PLEKHA5: variants seen among roughly 807,000 people sequenced by gnomAD.
The protein encoded by PLEKHA5 is pleckstrin homology domain containing A5, also known as pleckstrin homology domain-containing family A member 5.
Under a neutral mutation model 181.9 loss-of-function variants are expected in PLEKHA5, and 55 were observed. The observed-to-expected ratio is 0.30, with a 90% CI of 0.24 to 0.38. PLEKHA5 has a LOEUF of 0.38. PLEKHA5 is among the 10% of genes least tolerant of loss of function. The probability of loss-of-function intolerance (pLI) is 1.00; values close to 1 mark genes in which losing one functional copy is unlikely to be tolerated. For missense variants in PLEKHA5, 1,432 were observed against 1,549.5 expected (o/e 0.92, Z 1.27); for synonymous variants, 535 against 529.4 (o/e 1.01, Z -0.15).
chr12:19,138,788 G>A (rs934140849), intron 3 of PLEKHA5, among the ~76,000 whole-genome samples: 1 of 152,094 alleles, frequency 6.6e-6, no homozygotes, highest in African/African-American at 2.4e-5. Flanking sequence ...TGTGTGATGA[G>A]TAATACTAAC....
chr12:19,281,893 T>C (rs2076256381), intron 11 of PLEKHA5, among the ~76,000 whole-genome samples: 1 of 151,934 alleles, frequency 6.6e-6, no homozygotes, highest in South Asian at 2.1e-4. Context: ...GCCATTCTCC[T>C]GCCTCAGCCT....
At chr12:19,367,193 T>G (rs1349094463) in intron 30 of PLEKHA5, among the ~76,000 whole-genome samples, 1 of 146,840 alleles carries the variant, frequency 6.8e-6, no homozygotes, top group Non-Finnish European at 1.5e-5. Context: ...GCCCTTTTAC[T>G]CTTTTTCTTT....
intron 15 of PLEKHA5, among the ~76,000 whole-genome samples, chr12:19,305,641 C>T (rs1274062401): frequency 1.3e-5 from 2 of 151,454 alleles, no homozygotes; most frequent in East Asian, 3.9e-4. Context: ...GACGAATCAC[C>T]TGAGATCAGG....
chr12:19,366,029 A>C lies in PLEKHA5; in HGVS notation c.3674A>C (p.Asn1225Thr). Residue 1225 changes from asparagine (N) to threonine (T), a missense_variant, in exon 30 of 32, where the codon AAC becomes ACC. Transcript: ENST00000429027. ...GAGCATCCTGAAGAAAATACAAAGA[A>C]CAGTGTTGACGAACAGGAAGAAACT... The part of the protein sequence containing the change: ...PEEHPEENTK[N>T]SVDEQEETVI... The C allele has an allele frequency of 6.2e-7, 1 of 1,611,934 alleles. No homozygotes were observed.
rs746331836 is a variant in PLEKHA5, at chr12:19,274,797, A to C, written c.1127A>C (p.Asn376Thr). 6 of 1,614,220 alleles carry C rather than the reference A, an allele frequency of 3.7e-6. No individual in the cohort carries two copies. Among genetic ancestry groups the C allele is most frequent in the Non-Finnish European group, 1.7e-6 (2 of 1,180,046 alleles). The change falls in exon 11 of 32, where the codon AAC (asparagine) becomes ACC (threonine). Residue 376 changes from asparagine to threonine, a missense_variant. Asn to Thr is a moderately conservative substitution (Grantham distance 65). Around this residue, in one of 2 missense-constraint regions of PLEKHA5, gnomAD observed 1,143 missense variants for 1,168.4 expected, o/e 0.98. Coordinates refer to ENST00000429027, the MANE Select transcript of PLEKHA5 (RefSeq NM_001256470.2). The part of the protein sequence containing the change: ...PAQTVHYRPI[N>T]LSSSENKIVN... Reference sequence around the variant, plus strand: ...CAGACTGTGCACTACAGACCAATCAACTTGAGCAGTTCAGAGAACAAAATA... The same window carrying C: ...CAGACTGTGCACTACAGACCAATCACCTTGAGCAGTTCAGAGAACAAAATA...
intron 3 of PLEKHA5, among the ~76,000 whole-genome samples, chr12:19,227,642 C>T (rs991382430): frequency 6.6e-6 from 1 of 152,172 alleles, no homozygotes; most frequent in Non-Finnish European, 1.5e-5. Context: ...GGTCCCCCAC[C>T]TCATTGGCTG....
intron 10 of PLEKHA5, among the ~76,000 whole-genome samples, chr12:19,272,518 T>G (rs1207656245): frequency 6.6e-6 from 1 of 152,038 alleles, no homozygotes; most frequent in Non-Finnish European, 1.5e-5. Flanking sequence ...GTGGGAGGAT[T>G]GCTTGAGCCC....
intron 7 of PLEKHA5, among the ~76,000 whole-genome samples, chr12:19,262,467 G>T (rs1379348346): frequency 1.3e-5 from 2 of 152,110 alleles, no homozygotes; most frequent in East Asian, 3.9e-4. Context: ...TCAAACTCCT[G>T]ACCTTAAATG....
At chr12:19,288,588 T>G (rs1008301867) in intron 13 of PLEKHA5, among the ~76,000 whole-genome samples, 2 of 152,254 alleles carry the variant, frequency 1.3e-5, no homozygotes, top group Non-Finnish European at 2.9e-5. Flanking sequence ...AAATTCATCT[T>G]ATGTGTTTTG....
At chr12:19,231,604 A>ATATG (rs144942773) in intron 3 of PLEKHA5, among the ~76,000 whole-genome samples, 60,538 of 77,974 alleles carry the variant, frequency 0.78, 27,561 homozygotes, top group East Asian at 0.88. Context: ...GTACACATAT[A>ATATG]TATATATAAA....
At chr12:19,232,374 T>C (rs576294252) in intron 3 of PLEKHA5, among the ~76,000 whole-genome samples, 1 of 152,098 alleles carries the variant, frequency 6.6e-6, no homozygotes, top group Non-Finnish European at 1.5e-5. Context: ...ATGCAAGTTA[T>C]GACAGAGTTC....
At chr12:19,240,872 GAC>G (rs1157117896) in intron 3 of PLEKHA5, among the ~76,000 whole-genome samples, 2 of 152,058 alleles carry the variant, frequency 1.3e-5, no homozygotes, top group African/African-American at 4.8e-5. Flanking sequence ...AGACTCTTGT[GAC>G]ACAATATTTT....
At chr12:19,305,046 G>C (rs1162691136) in intron 15 of PLEKHA5, among the ~76,000 whole-genome samples, 3 of 152,158 alleles carry the variant, frequency 2.0e-5, no homozygotes, top group African/African-American at 7.2e-5. Context: ...TAGAAAGCGA[G>C]GATATTTGTA....
At chr12:19,247,694 A>G (rs2152496947) in intron 3 of PLEKHA5, among the ~76,000 whole-genome samples, 2 of 151,960 alleles carry the variant, frequency 1.3e-5, no homozygotes, top group East Asian at 3.9e-4. Context: ...GGAAAAAAAC[A>G]ATGCCAAGCC....
chr12:19,374,964 GATAATA>G (rs964977969), intron 31 of PLEKHA5, among the ~76,000 whole-genome samples: 17 of 151,610 alleles, frequency 1.1e-4, no homozygotes, highest in East Asian at 3.9e-4. Flanking sequence ...CCAAAATGAT[GATAATA>G]ATAATAATAA....
Position 19,273,739 on chromosome 12 carries a change from C to G in PLEKHA5, c.846-777C>G, listed in dbSNP as rs1592281152. Among the ~76,000 whole-genome samples, 3 of 152,248 alleles carry G rather than the reference C, an allele frequency of 2.0e-5. No individual in the cohort carries two copies. The South Asian group carries it at 6.2e-4, about 32-fold the overall frequency. ...TTAACGAGCTCATTCTTTCAGTGGC[C>G]AGGTGGACATGGGATGCCAGATTCT... is the stretch of plus-strand genomic sequence containing the variant. On this transcript the variant is annotated intron_variant, in intron 10 of 31. Coordinates refer to ENST00000429027, the MANE Select transcript of PLEKHA5 (RefSeq NM_001256470.2).
At chr12:19,222,199 C>G (rs2059051735) in intron 3 of PLEKHA5, among the ~76,000 whole-genome samples, 3 of 152,016 alleles carry the variant, frequency 2.0e-5, no homozygotes, top group Non-Finnish European at 4.4e-5. Context: ...ACCCACAGTC[C>G]AGCTTTCTTT....
intron 3 of PLEKHA5, among the ~76,000 whole-genome samples, chr12:19,170,255 A>T (rs1234532190): frequency 6.6e-6 from 1 of 152,226 alleles, no homozygotes; most frequent in Non-Finnish European, 1.5e-5. Flanking sequence ...GATGGCTTAT[A>T]TGGAATGTTT....
intron 29 of PLEKHA5, among the ~76,000 whole-genome samples, chr12:19,362,167 C>CAAA (rs33984774): frequency 1.1e-3 from 70 of 61,618 alleles, no homozygotes; most frequent in African/African-American, 3.8e-3. Flanking sequence ...GACTCTGTCT[C>CAAA]AAAAAAAAAA....
Sources: allele counts gnomAD v4.1 joint callset (sites outside exome capture counted in the v4.1 genomes callset), GRCh38; gene constraint gnomAD v4.1.1; regional missense constraint gnomAD v4.1.1; transcripts MANE v1.5; gene names NCBI Gene and HGNC (gene_info 2026-07-23, HGNC 2026-07-21).